The following SUV39H2 variants were observed in gnomAD, a reference collection of about 807,000 sequenced individuals.
SUV39H2 encodes histone-lysine N-methyltransferase SUV39H2.
Under a neutral mutation model 47.5 loss-of-function variants are expected in SUV39H2, and 10 were observed. That is an observed-to-expected ratio of 0.21 (90% CI 0.13 to 0.36). The LOEUF is 0.36. Among genes scored for constraint, SUV39H2 ranks in the 10% least tolerant of loss-of-function variants. The pLI is 1.00. For missense variants in SUV39H2, 266 were observed against 487.4 expected (o/e 0.55, Z 4.28); for synonymous variants, 159 against 166.8 (o/e 0.95, Z 0.36).
At chr10:14,898,683 G>C (rs1336092031) in intron 3 of SUV39H2, 1 of 152,200 alleles carries the variant, frequency 6.6e-6, no homozygotes, top group African/African-American at 2.4e-5. Flanking sequence ...AGACACTTTT[G>C]GTTTCTTAAG....
rs894604603 is a variant in SUV39H2 at position 14,902,998 on chromosome 10, C to G, written c.*486C>G. On this transcript the variant is annotated 3_prime_UTR_variant, in exon 6 of 6. Coordinates refer to ENST00000354919, the MANE Select transcript of SUV39H2 (RefSeq NM_001193424.2). The stretch of plus-strand genomic sequence containing the variant: ...TTGTATTTGAGACAAATAGGTGATA[C>G]TGAATTTTATACTGTTTTCTACTTT... 1 of 152,288 alleles carries G rather than the reference C, an allele frequency of 6.6e-6. No individual in the cohort carries two copies. The highest frequency in any genetic ancestry group is 6.5e-5 in the Admixed American group (1 of 15,288). 9.4% of individuals were successfully genotyped at this position (152,288 alleles called of 1,614,324 possible).
At chr10:14,879,029 C>G in intron 1 of SUV39H2, 110 bp downstream of exon 1, 1 of 1,317,942 alleles carries the variant, frequency 7.6e-7, no homozygotes, top group Non-Finnish European at 9.7e-7. Flanking sequence ...GGCGGTTCCC[C>G]GCCCGCCGCG....
chr10:14,891,396 A>G, intron 2 of SUV39H2, among the ~76,000 whole-genome samples: 1 of 152,202 alleles, frequency 6.6e-6, no homozygotes, highest in East Asian at 1.9e-4. Context: ...TTCCCTAGGC[A>G]GGGTGGAAAC....
At chr10:14,893,678 G>A (rs951867861) in intron 2 of SUV39H2, among the ~76,000 whole-genome samples, 19 of 152,134 alleles carry the variant, frequency 1.2e-4, no homozygotes, top group African/African-American at 4.6e-4. Flanking sequence ...CTACCAAGTT[G>A]AAACAAAATC....
At chr10:14,895,867 A>T (rs1034442223) in intron 2 of SUV39H2, among the ~76,000 whole-genome samples, 1 of 151,312 alleles carries the variant, frequency 6.6e-6, no homozygotes, top group African/African-American at 2.4e-5. Context: ...TAAGTTACTT[A>T]GTGTTCTTTT....
chr10:14,896,848 T>C lies in SUV39H2; in HGVS notation c.180T>C (p.Asp60=), dbSNP rs910937853. The change falls in exon 3 of 6, where the codon GAT becomes GAC. Residue 60 remains aspartate (D), a splice_region_variant and synonymous_variant. Coordinates refer to ENST00000354919, the MANE Select transcript of SUV39H2 (RefSeq NM_001193424.2). ...TTTATTTTCTTTTGTATTTTAAGGA[T>C]ATGGAATATTATCTTGTAAAATGGA... The part of the protein sequence containing the change: ...EYLCDYKVVK[D]MEYYLVKWKG... 6.4e-7 allele frequency: 1 copy of C among 1,559,000 alleles called. No homozygotes were observed. The highest frequency in any genetic ancestry group is 8.7e-7 in the Non-Finnish European group (1 of 1,152,960).
intron 2 of SUV39H2, among the ~76,000 whole-genome samples, chr10:14,895,104 A>G (rs565106547): frequency 2.8e-4 from 43 of 152,126 alleles, no homozygotes; most frequent in Non-Finnish European, 5.3e-4. Flanking sequence ...AGAAGAAAAA[A>G]AAAATTACTG....
intron 2 of SUV39H2, among the ~76,000 whole-genome samples, chr10:14,885,165 GTTT>G (rs1262992993): frequency 1.3e-5 from 2 of 152,106 alleles, no homozygotes; most frequent in African/African-American, 4.8e-5. Context: ...ACTTGTATGT[GTTT>G]GGCTCATTCA....
intron 3 of SUV39H2, chr10:14,899,024 A>T (rs1002060874): frequency 3.8e-5 from 22 of 577,704 alleles, no homozygotes; most frequent in Non-Finnish European, 6.5e-5. Flanking sequence ...TGTACTGCTC[A>T]AATCCTGTTT....
At chr10:14,899,462 G>A (rs1833842801) in intron 3 of SUV39H2, 77 bp from the exon 4 acceptor site, 26 of 1,458,312 alleles carry the variant, frequency 1.8e-5, no homozygotes, top group South Asian at 1.3e-4. Flanking sequence ...GTAGGTATTC[G>A]CATATTAGTA....
chr10:14,882,865 T>C (rs1833081002), intron 2 of SUV39H2, among the ~76,000 whole-genome samples: 1 of 133,464 alleles, frequency 7.5e-6, no homozygotes. Flanking sequence ...CCTATAGGAG[T>C]TTTTTTTTTT....
intron 3 of SUV39H2, 75 bp from the exon 4 acceptor site, chr10:14,899,464 A>AT: frequency 6.7e-7 from 1 of 1,485,296 alleles, no homozygotes; most frequent in Non-Finnish European, 9.2e-7. Context: ...AGGTATTCGC[A>AT]TATTAGTAGA....
At chr10:14,899,779 C>A in intron 4 of SUV39H2, 94 bp downstream of exon 4, 2 of 1,394,896 alleles carry the variant, frequency 1.4e-6, no homozygotes, top group Non-Finnish European at 1.9e-6. Context: ...AACTACATAT[C>A]CTTTTAACAT....
At chr10:14,879,082 C>T (rs778750002) in intron 1 of SUV39H2, 163 bp downstream of exon 1, 3 of 1,287,974 alleles carry the variant, frequency 2.3e-6, no homozygotes, top group East Asian at 3.2e-5. Flanking sequence ...TATCCTCCCC[C>T]AGGCCGCTGA....
chr10:14,897,105 G>A lies in SUV39H2; in HGVS notation c.437G>A (p.Arg146Lys). The change falls in exon 3 of 6, where the codon AGA becomes AAA. Residue 146 changes from arginine (R) to lysine (K), a missense_variant. Coordinates refer to ENST00000354919, the MANE Select transcript of SUV39H2 (RefSeq NM_001193424.2). The part of the protein sequence containing the change: ...ALQRWQDELN[R>K]RKNHKGMIFV... Reference sequence around the variant, plus strand: ...CAGAGATGGCAAGATGAACTCAACAGAAGAAAGAATCATAAAGGAATGATA... The same window carrying A: ...CAGAGATGGCAAGATGAACTCAACAAAAGAAAGAATCATAAAGGAATGATA... 1 of 1,613,790 alleles carries A rather than the reference G, an allele frequency of 6.2e-7. No individual in the cohort carries two copies.
chr10:14,894,355 GTTTTTTTTTTTTTT>G (rs35812740), intron 2 of SUV39H2, among the ~76,000 whole-genome samples: 11 of 58,096 alleles, frequency 1.9e-4, no homozygotes, highest in South Asian at 7.6e-4. Flanking sequence ...AGAAAGCAAA[GTTTTTTTTTTTTTT>G]TTTTTTTTTT....
chr10:14,901,714 C>T (rs867193028), intron 5 of SUV39H2, among the ~76,000 whole-genome samples: 5 of 151,658 alleles, frequency 3.3e-5, no homozygotes, highest in Non-Finnish European at 5.9e-5. Flanking sequence ...GCCTGTAGTC[C>T]CAGCTACTCG....
At chr10:14,888,033 G>A (rs1050395772) in intron 2 of SUV39H2, among the ~76,000 whole-genome samples, 1 of 152,178 alleles carries the variant, frequency 6.6e-6, no homozygotes, top group African/African-American at 2.4e-5. Context: ...GGCGGGGTGG[G>A]CAGGCCCCAG....
At chr10:14,890,038 A>AC (rs1472526979) in intron 2 of SUV39H2, among the ~76,000 whole-genome samples, 2 of 152,232 alleles carry the variant, frequency 1.3e-5, no homozygotes, top group African/African-American at 4.8e-5. Context: ...CTTAAAGTAT[A>AC]CAGGTACTTT....
Sources: allele counts gnomAD v4.1 joint callset (sites outside exome capture counted in the v4.1 genomes callset), GRCh38; gene constraint gnomAD v4.1.1; transcripts MANE v1.5; gene names NCBI Gene and HGNC (gene_info 2026-07-23, HGNC 2026-07-21).